RNF38: variants seen among roughly 807,000 people sequenced by gnomAD.
RNF38 encodes the protein ring finger protein 38, also known as E3 ubiquitin-protein ligase RNF38.
A neutral mutation model predicts 67.2 loss-of-function variants in RNF38; 15 were observed. The observed-to-expected ratio is 0.22, with a 90% CI of 0.15 to 0.34. The LOEUF is 0.34. RNF38 is among the 10% of genes least tolerant of loss of function. The probability of loss-of-function intolerance (pLI) is 1.00; values close to 1 mark genes in which losing one functional copy is unlikely to be tolerated. For synonymous variants in RNF38, 220 were observed against 218.8 expected (o/e 1.01, Z -0.05); for missense variants, 524 against 639.9 (o/e 0.82, Z 1.95).
At chr9:36,441,862 T>G (rs1300250622) in intron 1 of RNF38, among the ~76,000 whole-genome samples, 1 of 152,226 alleles carries the variant, frequency 6.6e-6, no homozygotes, top group Non-Finnish European at 1.5e-5. Flanking sequence ...ATTTAAGGAA[T>G]GACAACTTCT....
At chr9:36,466,853 CAAT>C (rs1436182937) in intron 1 of RNF38, among the ~76,000 whole-genome samples, 3 of 151,522 alleles carry the variant, frequency 2.0e-5, no homozygotes, top group Non-Finnish European at 4.4e-5. Flanking sequence ...AATCAGAAGA[CAAT>C]AATGTCTACT....
chr9:36,401,086 G>T, upstream of RNF38: 1 of 984,890 alleles, frequency 1.0e-6, no homozygotes, highest in Non-Finnish European at 1.2e-6. Flanking sequence ...CCGTCCCCTC[G>T]CCAGCACAAA....
At chr9:36,437,215 C>A (rs1348728974) in intron 1 of RNF38, among the ~76,000 whole-genome samples, 2 of 152,178 alleles carry the variant, frequency 1.3e-5, no homozygotes, top group African/African-American at 4.8e-5. Flanking sequence ...AGATGCCCCT[C>A]CCCAACCAAC....
At chr9:36,469,090 C>T (rs139165902) in intron 1 of RNF38, among the ~76,000 whole-genome samples, 1,686 of 152,168 alleles carry the variant, frequency 0.011, 27 homozygotes, top group African/African-American at 0.038. Context: ...CTGGCCTGGG[C>T]GACAGAGCAA....
chr9:36,447,586 A>T (rs1263281592), intron 1 of RNF38, among the ~76,000 whole-genome samples: 1 of 152,240 alleles, frequency 6.6e-6, no homozygotes, highest in Non-Finnish European at 1.5e-5. Context: ...CAACCTGCTA[A>T]AACAGGTACT....
chr9:36,421,593 G>A (rs1314914924), intron 2 of RNF38, among the ~76,000 whole-genome samples: 2 of 152,098 alleles, frequency 1.3e-5, no homozygotes, highest in African/African-American at 4.8e-5. Context: ...AACCCGGGAG[G>A]CGGAGGTTGC....
At chr9:36,361,084 A>C (rs1834491335) in intron 4 of RNF38, among the ~76,000 whole-genome samples, 1 of 151,460 alleles carries the variant, frequency 6.6e-6, no homozygotes, top group Admixed American at 6.6e-5. Flanking sequence ...CCCAAAGTGC[A>C]GGGATTACAG....
At chr9:36,380,521 C>T (rs1363216339) in intron 2 of RNF38, among the ~76,000 whole-genome samples, 1 of 150,220 alleles carries the variant, frequency 6.7e-6, no homozygotes, top group African/African-American at 2.5e-5. Context: ...TAAAGACAGT[C>T]TCACTCTGTC....
intron 1 of RNF38, among the ~76,000 whole-genome samples, chr9:36,428,085 C>G (rs900814396): frequency 6.6e-6 from 1 of 151,732 alleles, no homozygotes; most frequent in Non-Finnish European, 1.5e-5. Flanking sequence ...GTATTTGTTA[C>G]AGCAGCCTGA....
intron 2 of RNF38, among the ~76,000 whole-genome samples, chr9:36,386,286 C>T (rs1836631332): frequency 6.6e-6 from 1 of 152,118 alleles, no homozygotes; most frequent in South Asian, 2.1e-4. Context: ...GTTTTTCCCC[C>T]TTTTCTTCAA....
At chr9:36,433,812 G>T (rs1838993246) in intron 1 of RNF38, among the ~76,000 whole-genome samples, 1 of 151,494 alleles carries the variant, frequency 6.6e-6, no homozygotes, top group Non-Finnish European at 1.5e-5. Flanking sequence ...TAAAAAGCAA[G>T]AAGTTTGATA....
chr9:36,383,105 C>T (rs1162482637), intron 2 of RNF38, among the ~76,000 whole-genome samples: 1 of 152,176 alleles, frequency 6.6e-6, no homozygotes, highest in Non-Finnish European at 1.5e-5. Flanking sequence ...ATATTTGGAT[C>T]ACACAATAGT....
At chr9:36,400,799 C>G, upstream of RNF38, 4 of 985,520 alleles carry the variant, frequency 4.1e-6, no homozygotes, top group South Asian at 9.4e-5. Context: ...AGTCGCCTAA[C>G]GCCTCGGAGG....
intron 1 of RNF38, among the ~76,000 whole-genome samples, chr9:36,396,815 GA>G (rs1273409543): frequency 1.3e-5 from 2 of 151,190 alleles, no homozygotes; most frequent in Admixed American, 1.3e-4. Context: ...CCTGGTTCTG[GA>G]AAACTGAGGT....
intron 4 of RNF38, among the ~76,000 whole-genome samples, chr9:36,360,858 T>C (rs1401617854): frequency 6.6e-6 from 1 of 152,136 alleles, no homozygotes; most frequent in Non-Finnish European, 1.5e-5. Flanking sequence ...TTGCCAACAA[T>C]GGAGTGCAGT....
chr9:36,368,576 G>A (rs1388547940), intron 4 of RNF38, among the ~76,000 whole-genome samples: 6 of 152,210 alleles, frequency 3.9e-5, no homozygotes, highest in Non-Finnish European at 7.4e-5. Flanking sequence ...CAAAAATTGT[G>A]TTTTTCAGTA....
intron 1 of RNF38, among the ~76,000 whole-genome samples, chr9:36,454,524 T>C (rs906582888): frequency 1.3e-5 from 2 of 151,706 alleles, no homozygotes; most frequent in East Asian, 1.9e-4. Flanking sequence ...TAGGTGTTTC[T>C]GAAAACCTGA....
At chr9:36,487,096 G>A (rs1185538875) in intron 1 of RNF38, among the ~76,000 whole-genome samples, 7 of 152,304 alleles carry the variant, frequency 4.6e-5, no homozygotes, top group Admixed American at 2.6e-4. Context: ...CACCCTGGGG[G>A]AGGGGGCTAC....
chr9:36,460,885 C>CAAAAAAAAAAAA (rs752827635), intron 1 of RNF38, among the ~76,000 whole-genome samples: 15 of 52,854 alleles, frequency 2.8e-4, no homozygotes, highest in South Asian at 7.5e-4. Context: ...GAAACTCTCT[C>CAAAAAAAAAAAA]AAAAAAAAAA....
Sources: gnomAD v4.1 joint callset for allele counts (sites outside exome capture counted in the v4.1 genomes callset) on GRCh38, gnomAD v4.1.1 for gene constraint, MANE v1.5 for transcripts, NCBI Gene and HGNC (gene_info 2026-07-23, HGNC 2026-07-21) for gene names.